CDK13: variants seen among roughly 807,000 people sequenced by gnomAD.
CDK13 encodes cyclin dependent kinase 13, also known as cyclin-dependent kinase 13.
A neutral mutation model predicts 137.6 loss-of-function variants in CDK13; 40 were observed. The observed-to-expected ratio is 0.29, with a 90% CI of 0.23 to 0.38. CDK13 has a LOEUF of 0.38. CDK13 is among the 10% of genes least tolerant of loss of function. CDK13 has a pLI of 1.00. For missense variants in CDK13, 1,704 were observed against 1,951.8 expected, an observed-to-expected ratio of 0.87 and a Z score of 2.39; for synonymous variants, 869 against 760.1, an observed-to-expected ratio of 1.14 and a Z score of -2.36.
At chr7:39,969,839 A>G (rs1484407092) in intron 1 of CDK13, among the ~76,000 whole-genome samples, 2 of 152,034 alleles carry the variant, frequency 1.3e-5, no homozygotes, top group Non-Finnish European at 2.9e-5. Context: ...TTCATTCTTC[A>G]TGAATTGGGT....
In CDK13 at chr7:39,951,833, C is replaced by T; in HGVS notation, c.1192C>T (p.Pro398Ser). The T allele has an allele frequency of 7.0e-7, 1 of 1,434,466 alleles. No homozygotes were observed. 88.9% of individuals were successfully genotyped at this position (1,434,466 alleles called of 1,614,324 possible). The change falls in exon 1 of 14, where the codon CCC becomes TCC. Residue 398 changes from proline (P) to serine (S), a missense_variant. Physicochemically the swap from Pro to Ser is moderately conservative, Grantham distance 74. Around this residue, in one of 5 missense-constraint regions of CDK13, gnomAD observed 1,051 missense variants for 931.0 expected, o/e 1.13. Coordinates refer to ENST00000181839, the MANE Select transcript of CDK13 (RefSeq NM_003718.5). ...SSSSWRRSRS[P>S]YSPVLRRSGK... ...CAGCAGCTGGCGCCGCTCTCGCAGTCCCTACAGCCCTGTGCTCAGGTGAGT... is the reference window on the plus strand; with the variant it reads ...CAGCAGCTGGCGCCGCTCTCGCAGTTCCTACAGCCCTGTGCTCAGGTGAGT...
chr7:39,966,858 G>C (rs1000258665), intron 1 of CDK13, among the ~76,000 whole-genome samples: 5 of 152,148 alleles, frequency 3.3e-5, no homozygotes, highest in African/African-American at 1.2e-4. Flanking sequence ...CAGGTCCGTT[G>C]GAGTTTGCTG....
intron 2 of CDK13, among the ~76,000 whole-genome samples, chr7:39,989,039 G>GCGCCACTGCA (rs1229661220): frequency 7.9e-6 from 1 of 126,042 alleles, no homozygotes; most frequent in African/African-American, 2.9e-5. Context: ...AGCCGAGATT[G>GCGCCACTGCA]CGCCACTGCA....
intron 1 of CDK13, among the ~76,000 whole-genome samples, chr7:39,957,310 C>A (rs551723813): frequency 0.27 from 40,389 of 151,612 alleles, 6,461 homozygotes; most frequent in Middle Eastern, 0.44. Flanking sequence ...GTTTTTTTTC[C>A]TGTGCCCCCA....
intron 1 of CDK13, among the ~76,000 whole-genome samples, chr7:39,976,042 A>G (rs2116211399): frequency 6.6e-6 from 1 of 152,144 alleles, no homozygotes; most frequent in South Asian, 2.1e-4. Context: ...TCACACCTGT[A>G]CTCCCAGCAC....
intron 5 of CDK13, among the ~76,000 whole-genome samples, chr7:40,005,279 A>G (rs1784774171): frequency 8.0e-6 from 1 of 125,198 alleles, no homozygotes; most frequent in Admixed American, 1.0e-4. Context: ...TCAATTAATT[A>G]TTTAAAGTGA....
chr7:39,956,247 G>A (rs927062288), intron 1 of CDK13, among the ~76,000 whole-genome samples: 2 of 152,178 alleles, frequency 1.3e-5, no homozygotes, highest in African/African-American at 2.4e-5. Flanking sequence ...TCTCAGAAGG[G>A]AATGGAAGTT....
chr7:40,009,775 G>C (rs1012477047), intron 5 of CDK13, among the ~76,000 whole-genome samples: 5 of 152,194 alleles, frequency 3.3e-5, no homozygotes, highest in African/African-American at 1.2e-4. Context: ...GAAGGGAACT[G>C]CCTCAACCTG....
At chr7:40,041,122 TCA>T (rs1383627618) in intron 5 of CDK13, among the ~76,000 whole-genome samples, 2 of 152,122 alleles carry the variant, frequency 1.3e-5, no homozygotes, top group Non-Finnish European at 2.9e-5. Flanking sequence ...GGTTAGGAGT[TCA>T]AGACCAGCCT....
At chr7:40,078,526 G>A in intron 10 of CDK13, 194 bp from the exon 11 acceptor site, 1 of 290,910 alleles carries the variant, frequency 3.4e-6, no homozygotes, top group Non-Finnish European at 6.2e-6. Context: ...ATGTAAAAAT[G>A]AAATATTTAT....
At chr7:39,999,635 T>C (rs1784642045) in intron 4 of CDK13, 135 bp downstream of exon 4, 1 of 868,110 alleles carries the variant, frequency 1.2e-6, no homozygotes, top group Non-Finnish European at 1.8e-6. Flanking sequence ...CATCTTGTTT[T>C]TTTATTCTAT....
Position 40,089,899 on chromosome 7 carries a change from G to A in CDK13, c.3235+1568G>A, listed in dbSNP as rs567197695. ...TTGAAGATAAATATAGATTAACTGA[G>A]AAAGCTTTAGGAAGATAACCATTAA... On this transcript the variant is annotated intron_variant, in intron 12 of 13. Coordinates refer to ENST00000181839, the MANE Select transcript of CDK13 (RefSeq NM_003718.5). 2.0e-5 allele frequency among the ~76,000 whole-genome samples: 3 copies of A among 152,300 alleles called. No homozygotes were observed. The South Asian group carries it at 6.2e-4, about 32-fold the overall frequency.
chr7:39,951,485 C>A lies in CDK13; in HGVS notation c.844C>A (p.Arg282=). Residue 282 remains arginine, a synonymous_variant, in exon 1 of 14, where the codon CGG becomes AGG. Transcript: ENST00000181839. ...CCGGGACTCGAAGGCCCACCGCAGC[C>A]GGACTAAGTCGTCCAAGGAGCCGCC... ...KDRDSKAHRS[R]TKSSKEPPSA... 1 of 1,536,770 alleles carries A rather than the reference C, an allele frequency of 6.5e-7. No individual in the cohort carries two copies. The highest frequency in any genetic ancestry group is 8.8e-7 in the Non-Finnish European group (1 of 1,142,686).
intron 7 of CDK13, chr7:40,062,376 C>T (rs1336923224): frequency 6.4e-6 from 1 of 156,514 alleles, no homozygotes; most frequent in Non-Finnish European, 1.4e-5. Context: ...AGCTCTGCCT[C>T]CCGGGTTCAC....
intron 9 of CDK13, among the ~76,000 whole-genome samples, chr7:40,077,011 G>C (rs1786559203): frequency 2.7e-5 from 2 of 74,184 alleles, no homozygotes; most frequent in African/African-American, 1.3e-4. Context: ...ATGTTTACCA[G>C]CTGGAGTTGC....
At chr7:40,017,804 A>G (rs907735714) in intron 5 of CDK13, among the ~76,000 whole-genome samples, 2 of 151,834 alleles carry the variant, frequency 1.3e-5, no homozygotes, top group Non-Finnish European at 2.9e-5. Context: ...GCAGAATAAT[A>G]GGAATTTTTT....
intron 7 of CDK13, among the ~76,000 whole-genome samples, chr7:40,053,910 TA>T (rs1176234537): frequency 6.6e-6 from 1 of 152,232 alleles, no homozygotes; most frequent in Non-Finnish European, 1.5e-5. Flanking sequence ...ATGTACATTT[TA>T]AAGTTACAGA....
chr7:40,007,341 A>G (rs1389302725), intron 5 of CDK13, among the ~76,000 whole-genome samples: 1 of 152,228 alleles, frequency 6.6e-6, no homozygotes, highest in Non-Finnish European at 1.5e-5. Flanking sequence ...TCTGATTCCC[A>G]AACAGTGTTA....
intron 1 of CDK13, 166 bp downstream of exon 1, chr7:39,952,018 A>G (rs982805467): frequency 1.1e-5 from 7 of 625,506 alleles, no homozygotes; most frequent in African/African-American, 9.5e-5. Context: ...CGCGCGTGAC[A>G]CTTTTTTAGG....
Sources: allele counts gnomAD v4.1 joint callset (sites outside exome capture counted in the v4.1 genomes callset), GRCh38; gene constraint gnomAD v4.1.1; regional missense constraint gnomAD v4.1.1; transcripts MANE v1.5; gene names NCBI Gene and HGNC (gene_info 2026-07-23, HGNC 2026-07-21).